TBL1X: variants seen among roughly 807,000 people sequenced by gnomAD.
TBL1X encodes the protein transducin beta like 1 X-linked, also known as F-box-like/WD repeat-containing protein TBL1X.
In TBL1X, 10 loss-of-function variants were observed where a neutral mutation model predicts 50.7. The observed-to-expected ratio is 0.20, with a 90% CI of 0.12 to 0.33. The LOEUF (loss-of-function observed/expected upper bound fraction) is 0.33, where lower values mean the gene tolerates loss of function less well. Ranked by LOEUF, TBL1X falls within the 10% of genes least tolerant of loss-of-function variation. The pLI, the probability that TBL1X is intolerant of heterozygous loss-of-function variation, is 1.00. For missense variants in TBL1X, 340 were observed against 504.4 expected (o/e 0.67, Z 3.12); for synonymous variants, 190 against 214.7 (o/e 0.88, Z 1.01).
chrX:9,620,113 G>A (rs1028626811), intron 2 of TBL1X, among the ~76,000 whole-genome samples: 4 of 112,054 alleles, frequency 3.6e-5, no homozygotes, highest in African/African-American at 1.3e-4. Context: ...CTCTACCCAT[G>A]TAAGTTGGGA....
At chrX:9,574,748 C>G (rs766336220) in intron 2 of TBL1X, among the ~76,000 whole-genome samples, 2 of 111,591 alleles carry the variant, frequency 1.8e-5, no homozygotes, top group Admixed American at 1.9e-4. Context: ...TGGAACTGGC[C>G]TGTGCTTGAT....
At chrX:9,541,017 G>A (rs1301138191) in intron 2 of TBL1X, among the ~76,000 whole-genome samples, 2 of 111,844 alleles carry the variant, frequency 1.8e-5, no homozygotes, top group African/African-American at 6.5e-5. Flanking sequence ...GGGGCATTAA[G>A]TAGTAAGCAA....
intron 1 of TBL1X, among the ~76,000 whole-genome samples, chrX:9,482,276 A>G (rs1433596704): frequency 1.8e-5 from 2 of 111,985 alleles, no homozygotes; most frequent in Admixed American, 9.5e-5. Flanking sequence ...TTCCTCGTCT[A>G]TAACTAAAGA....
intron 2 of TBL1X, among the ~76,000 whole-genome samples, chrX:9,572,894 G>A (rs867969460): frequency 2.7e-5 from 3 of 112,521 alleles, no homozygotes; most frequent in Admixed American, 1.9e-4. Flanking sequence ...TAGGAGGCAA[G>A]CGTGGAGCTT....
chrX:9,602,083 G>A (rs1369299293), intron 2 of TBL1X, among the ~76,000 whole-genome samples: 1 of 112,024 alleles, frequency 8.9e-6, no homozygotes, highest in Admixed American at 9.5e-5. Flanking sequence ...CTATCTGTCC[G>A]CAAAAGGTCA....
At chrX:9,524,694 A>G (rs2082123922) in intron 2 of TBL1X, among the ~76,000 whole-genome samples, 1 of 112,226 alleles carries the variant, frequency 8.9e-6, no homozygotes, top group African/African-American at 3.2e-5. Flanking sequence ...TGCCTGCACA[A>G]ATATTTCCTT....
intron 2 of TBL1X, among the ~76,000 whole-genome samples, chrX:9,626,084 G>A (rs1264886032): frequency 8.9e-6 from 1 of 111,996 alleles, no homozygotes; most frequent in East Asian, 2.8e-4. Context: ...ATGTCGGGAC[G>A]GTGATGCAGT....
chrX:9,688,972 CTG>C (rs751618838), intron 7 of TBL1X, among the ~76,000 whole-genome samples: 1 of 113,475 alleles, frequency 8.8e-6, no homozygotes, highest in South Asian at 3.5e-4. Flanking sequence ...GTGTATGTGC[CTG>C]TGTCTGTGTG....
intron 2 of TBL1X, among the ~76,000 whole-genome samples, chrX:9,536,890 C>T (rs767333437): frequency 1.8e-5 from 2 of 111,915 alleles, no homozygotes; most frequent in South Asian, 3.8e-4. Context: ...TGGCTTTAAT[C>T]CCTCTTTCAG....
chrX:9,539,238 T>C lies in TBL1X; in HGVS notation c.-131+37389T>C, dbSNP rs182199209. Among the ~76,000 whole-genome samples the C allele has an allele frequency of 3.1e-4, 35 of 111,910 alleles. 1 individual carries two copies. The East Asian group carries it at 9.6e-3, about 31-fold the overall frequency. ...GGTTCTATGAAGGTCGTAGGTACAATAGAAATTGTGTTGGTCTGAGAGTTA... is the reference window on the plus strand; with the variant it reads ...GGTTCTATGAAGGTCGTAGGTACAACAGAAATTGTGTTGGTCTGAGAGTTA... On this transcript the variant is annotated intron_variant, in intron 2 of 17. Transcript: ENST00000645353.
intron 5 of TBL1X, among the ~76,000 whole-genome samples, chrX:9,666,205 A>C (rs1224004213): frequency 8.9e-6 from 1 of 111,814 alleles, no homozygotes; most frequent in Non-Finnish European, 1.9e-5. Flanking sequence ...CCTTCCAGCT[A>C]TGCCTGCTTA....
In TBL1X at chrX:9,665,170, A is replaced by AT. The variant is rs1417186582; in HGVS notation, c.211+10850dup. On this transcript the variant is annotated intron_variant, in intron 5 of 17. Coordinates refer to ENST00000645353, the MANE Select transcript of TBL1X (RefSeq NM_005647.4). ...CGGCAAGCAAAATGCAGTCCTTGTT[A>AT]TTATTAAAATTTTGCAGGTATTTTT... Among the ~76,000 whole-genome samples, 4 of 109,108 alleles carry AT rather than the reference A, an allele frequency of 3.7e-5. No individual in the cohort carries two copies. In the East Asian group the frequency reaches 1.2e-3, roughly 32 times the overall value. The allele number at this position is 109,108 out of a possible 115,157, so 94.7% of individuals were successfully genotyped here.
rs1233759147 is a variant in TBL1X, at chrX:9,717,186, CA to C, written c.*941del. 3.0e-5 allele frequency: 3 copies of C among 100,817 alleles called. No individual in the cohort carries two copies. The highest frequency in any genetic ancestry group is 6.1e-5 in the Non-Finnish European group (3 of 49,487). 8.3% of individuals were successfully genotyped at this position (100,817 alleles called of 1,213,427 possible). ...AAGTGCTTTATGTAAGAAGGCAGGGCAGGGGGGCTTTTTACAGGAGAAAAAA... is the reference window on the plus strand; with the variant it reads ...AAGTGCTTTATGTAAGAAGGCAGGGCGGGGGGCTTTTTACAGGAGAAAAAA... On this transcript the variant is annotated 3_prime_UTR_variant, in exon 18 of 18. Transcript: ENST00000645353.
intron 2 of TBL1X, among the ~76,000 whole-genome samples, chrX:9,600,379 C>T (rs774055570): frequency 1.2e-4 from 12 of 102,833 alleles, no homozygotes; most frequent in African/African-American, 2.9e-4. Context: ...TTCATGAGGC[C>T]CCACCCTCAT....
chrX:9,497,781 T>TCC (rs2081979518), intron 1 of TBL1X, among the ~76,000 whole-genome samples: 3 of 71,370 alleles, frequency 4.2e-5, no homozygotes, highest in South Asian at 1.2e-3. Flanking sequence ...TCCCTCTCTC[T>TCC]CTCCCTCCCT....
chrX:9,472,285 T>C (rs1443550760), intron 1 of TBL1X, among the ~76,000 whole-genome samples: 1 of 110,561 alleles, frequency 9.0e-6, no homozygotes, highest in African/African-American at 3.3e-5. Flanking sequence ...ATACTTTATT[T>C]ATGTATTTTT....
At chrX:9,709,902 A>G in intron 15 of TBL1X, 142 bp downstream of exon 15, 2 of 836,156 alleles carry the variant, frequency 2.4e-6, no homozygotes, top group South Asian at 2.6e-5. Context: ...CCAGGATAGA[A>G]TTACCGAGTA....
chrX:9,485,168 A>T (rs1052925883), intron 1 of TBL1X, among the ~76,000 whole-genome samples: 1 of 111,313 alleles, frequency 9.0e-6, no homozygotes, highest in Non-Finnish European at 1.9e-5. Context: ...TGATTCATTG[A>T]ATTAGGGGCT....
At position 9,709,559 on chromosome X, in the gene TBL1X, G is replaced by A. The variant is rs1006912; in HGVS notation, c.1312-74G>A. 364,845 of 1,178,262 alleles carry A rather than the reference G, an allele frequency of 0.31. 43,846 individuals are homozygous for A. The highest frequency in any genetic ancestry group is 0.64 in the East Asian group (21,227 of 33,396). On this transcript the variant is annotated intron_variant, in intron 14 of 17. Coordinates refer to ENST00000645353, the MANE Select transcript of TBL1X (RefSeq NM_005647.4). ...TGCCCTGGGCCCCGTGTGCACCCCC[G>A]GGAGGAATGATTCCACATCGTTCCC...
Sources: allele counts gnomAD v4.1 joint callset (sites outside exome capture counted in the v4.1 genomes callset), GRCh38; gene constraint gnomAD v4.1.1; transcripts MANE v1.5; gene names NCBI Gene and HGNC (gene_info 2026-07-23, HGNC 2026-07-21).